Variants in OPA1 observed in about 807,000 individuals in gnomAD.
The protein encoded by OPA1 is dynamin-like GTPase OPA1, mitochondrial.
A neutral mutation model predicts 152.9 loss-of-function variants in OPA1; 59 were observed. The ratio of observed to expected loss-of-function variants is 0.39; its 90% CI spans 0.31 to 0.48. The LOEUF (loss-of-function observed/expected upper bound fraction) is 0.48, where lower values mean the gene tolerates loss of function less well. Among genes scored for constraint, OPA1 ranks in the 20% least tolerant of loss-of-function variants. OPA1 has a pLI of 0.96. For synonymous variants in OPA1, 400 were observed against 389.9 expected (o/e 1.03, Z -0.31); for missense variants, 1,008 against 1,216.8 (o/e 0.83, Z 2.55).
At position 193,695,027 on chromosome 3, in the gene OPA1, A is replaced by G. The variant is rs565230692; in HGVS notation, c.*427A>G. On this transcript the variant is annotated 3_prime_UTR_variant, in exon 31 of 31. Coordinates refer to ENST00000361510, the MANE Select transcript of OPA1 (RefSeq NM_130837.3). ...ATATAGCAATTGTTTAAAGTTATCA[A>G]TTGTATATAAAATCACAGTAGCCTG... 2.0e-4 allele frequency: 30 copies of G among 152,386 alleles called. No homozygotes were observed. Among genetic ancestry groups the G allele is most frequent in the African/African-American group, 5.8e-4 (24 of 41,596 alleles). The allele number at this position is 152,386 out of a possible 1,614,324, so 9.4% of individuals were successfully genotyped here.
chr3:193,644,205 C>A (rs1734197657), intron 16 of OPA1, 100 bp downstream of exon 16: 2 of 1,310,958 alleles, frequency 1.5e-6, no homozygotes, highest in African/African-American at 1.5e-5. Flanking sequence ...AACAAAAAAA[C>A]ACCTTACAAC....
At chr3:193,609,158 A>G (rs1354096705) in intron 1 of OPA1, among the ~76,000 whole-genome samples, 5 of 151,988 alleles carry the variant, frequency 3.3e-5, no homozygotes, top group African/African-American at 7.2e-5. Flanking sequence ...TCTTTATCCA[A>G]TTTGCCAGTC....
intron 15 of OPA1, 85 bp downstream of exon 15, chr3:193,643,712 T>G: frequency 1.7e-6 from 2 of 1,208,186 alleles, no homozygotes; most frequent in Non-Finnish European, 2.4e-6. Context: ...TTGTGTTATG[T>G]AAACATACAA....
At chr3:193,677,573 C>T (rs1719388599) in intron 29 of OPA1, among the ~76,000 whole-genome samples, 1 of 152,118 alleles carries the variant, frequency 6.6e-6, no homozygotes, top group South Asian at 2.1e-4. Flanking sequence ...GATAGGAAAT[C>T]TTAAGGGATT....
At chr3:193,605,613 A>G (rs1297843329) in intron 1 of OPA1, among the ~76,000 whole-genome samples, 1 of 152,232 alleles carries the variant, frequency 6.6e-6, no homozygotes, top group Admixed American at 6.5e-5. Context: ...CGATCTTATC[A>G]ATTTCTGCCT....
intron 22 of OPA1, among the ~76,000 whole-genome samples, chr3:193,656,087 T>G (rs915028523): frequency 6.6e-6 from 1 of 152,166 alleles, no homozygotes; most frequent in Non-Finnish European, 1.5e-5. Flanking sequence ...CCTGAAGAAG[T>G]TAGAGAGCTG....
intron 21 of OPA1, among the ~76,000 whole-genome samples, chr3:193,654,509 A>C (rs1046622795): frequency 6.6e-6 from 1 of 152,088 alleles, no homozygotes; most frequent in Non-Finnish European, 1.5e-5. Context: ...CAAAAAAAAA[A>C]AAAGTGAAAT....
At chr3:193,670,983 G>A (rs1339431760) in intron 29 of OPA1, among the ~76,000 whole-genome samples, 1 of 152,110 alleles carries the variant, frequency 6.6e-6, no homozygotes, top group Non-Finnish European at 1.5e-5. Context: ...GCTCCAACTG[G>A]CCAGGCTGGG....
chr3:193,644,421 C>G (rs1023170300), intron 16 of OPA1, among the ~76,000 whole-genome samples: 1 of 152,078 alleles, frequency 6.6e-6, no homozygotes, highest in African/African-American at 2.4e-5. Flanking sequence ...TTTCGGCACC[C>G]TCATGTACCA....
At chr3:193,632,341 C>T (rs1260365376) in intron 8 of OPA1, among the ~76,000 whole-genome samples, 3 of 152,014 alleles carry the variant, frequency 2.0e-5, no homozygotes, top group South Asian at 2.1e-4. Flanking sequence ...ATTAGCTGGG[C>T]GTGGTGGCAG....
At chr3:193,646,924 C>T (rs1734737637) in intron 18 of OPA1, 141 bp from the exon 19 acceptor site, 2 of 607,736 alleles carry the variant, frequency 3.3e-6, no homozygotes, top group African/African-American at 3.7e-5. Flanking sequence ...TGTTTTCCTC[C>T]TCACATAAAT....
chr3:193,617,785 T>G lies in OPA1; in HGVS notation c.558T>G (p.Gly186=). The G allele has an allele frequency of 6.2e-7, 1 of 1,610,862 alleles. No individual in the cohort carries two copies. Among genetic ancestry groups the G allele is most frequent in the Non-Finnish European group, 8.5e-7 (1 of 1,177,254 alleles). The change falls in exon 5 of 31, where the codon GGT becomes GGG. Residue 186 remains glycine, a splice_region_variant and synonymous_variant. Coordinates refer to ENST00000361510, the MANE Select transcript of OPA1 (RefSeq NM_130837.3). The part of the protein sequence containing the change: ...LSLLKDFFTS[G]HKLVSEVIGA... The stretch of plus-strand genomic sequence containing the variant: ...TCCCCTTTTGCTGATTTTTCACAGG[T>G]CACAAATTGGTTAGTGAAGTCATAG...
chr3:193,599,259 A>G (rs534727291), intron 1 of OPA1, among the ~76,000 whole-genome samples: 1 of 152,298 alleles, frequency 6.6e-6, no homozygotes, highest in African/African-American at 2.4e-5. Context: ...AAAAAAAGTT[A>G]AGCCTCAGCC....
chr3:193,674,902 G>A (rs749604427), intron 29 of OPA1, among the ~76,000 whole-genome samples: 5 of 152,178 alleles, frequency 3.3e-5, no homozygotes, highest in Admixed American at 2.0e-4. Context: ...TTGCGGAGGT[G>A]GGGCTCTGCC....
intron 22 of OPA1, 55 bp from the exon 23 acceptor site, chr3:193,657,025 T>TAACCATTGA: frequency 6.9e-7 from 1 of 1,454,594 alleles, no homozygotes; most frequent in East Asian, 2.3e-5. Context: ...TTTTTCATGT[T>TAACCATTGA]AACCATTGAA....
rs371164266 is a variant in OPA1 at position 193,655,119 on chromosome 3, A to T, written c.2178+92A>T. 2,220 of 1,195,246 alleles carry T rather than the reference A, an allele frequency of 1.9e-3. 57 individuals carry two copies. The South Asian group carries it at 0.027, about 15-fold the overall frequency. 74.0% of individuals were successfully genotyped at this position (1,195,246 alleles called of 1,614,324 possible). On this transcript the variant is annotated intron_variant, in intron 22 of 30. Transcript: ENST00000361510. ...AGATTTTATTCCCATCACAGCCTCT[A>T]TCTTTCTTTTAGGTCTTTATATCTC...
chr3:193,634,409 A>T (rs1290591421), intron 8 of OPA1, among the ~76,000 whole-genome samples: 3 of 151,476 alleles, frequency 2.0e-5, no homozygotes, highest in Non-Finnish European at 4.4e-5. Context: ...TTTCCTTCTC[A>T]ATTAAATTTG....
chr3:193,683,508 A>G lies in OPA1; in HGVS notation c.2984-8555A>G, dbSNP rs202112398. 2.6e-5 allele frequency among the ~76,000 whole-genome samples: 4 copies of G among 152,122 alleles called. No individual in the cohort carries two copies. The East Asian group carries it at 7.7e-4, about 29-fold the overall frequency. On this transcript the variant is annotated intron_variant, in intron 29 of 30. Coordinates refer to ENST00000361510, the MANE Select transcript of OPA1 (RefSeq NM_130837.3). Reference sequence around the variant, plus strand: ...ACCCAAAATTACCTATTGTGGGTAAAATGCTATCAGACAGCATCACATCCT... The same window carrying G: ...ACCCAAAATTACCTATTGTGGGTAAGATGCTATCAGACAGCATCACATCCT...
intron 9 of OPA1, 145 bp downstream of exon 9, chr3:193,635,667 C>A: frequency 1.6e-6 from 1 of 633,974 alleles, no homozygotes. Context: ...GGATCTCTTC[C>A]TATATTAAGA....
Sources: allele counts gnomAD v4.1 joint callset (sites outside exome capture counted in the v4.1 genomes callset), GRCh38; gene constraint gnomAD v4.1.1; transcripts MANE v1.5; gene names NCBI Gene and HGNC (gene_info 2026-07-23, HGNC 2026-07-21).